RNF150: variants seen among roughly 807,000 people sequenced by gnomAD.
RNF150 encodes the protein ring finger protein 150.
In RNF150, 24 loss-of-function variants were observed where a neutral mutation model predicts 39.3. That is an observed-to-expected ratio of 0.61 (90% CI 0.44 to 0.86). The LOEUF (loss-of-function observed/expected upper bound fraction) is 0.86, where lower values mean the gene tolerates loss of function less well. Among genes scored for constraint, RNF150 ranks in the 40% least tolerant of loss-of-function variants. RNF150 has a pLI of 0.00. For synonymous variants in RNF150, 255 were observed against 227.3 expected (o/e 1.12, Z -1.10); for missense variants, 502 against 587.8 (o/e 0.85, Z 1.51).
At chr4:141,054,636 C>T (rs962333171) in intron 1 of RNF150, among the ~76,000 whole-genome samples, 1 of 151,998 alleles carries the variant, frequency 6.6e-6, no homozygotes. Flanking sequence ...ATGTCTTTCC[C>T]CCACCCCCAA....
intron 5 of RNF150, among the ~76,000 whole-genome samples, chr4:140,914,940 T>C (rs962675973): frequency 6.6e-6 from 1 of 152,212 alleles, no homozygotes; most frequent in African/African-American, 2.4e-5. Flanking sequence ...AAGGACACTT[T>C]GTTAAAACAA....
intron 2 of RNF150, among the ~76,000 whole-genome samples, chr4:140,955,945 G>A (rs945807557): frequency 2.0e-5 from 3 of 152,328 alleles, no homozygotes; most frequent in Non-Finnish European, 2.9e-5. Flanking sequence ...TATTCTCAGG[G>A]AGAGAGAAAT....
chr4:141,050,107 A>G (rs926224101), intron 1 of RNF150, among the ~76,000 whole-genome samples: 193 of 152,262 alleles, frequency 1.3e-3, no homozygotes, highest in African/African-American at 4.6e-3. Flanking sequence ...ACATATATAC[A>G]TGTAAGTATA....
intron 4 of RNF150, among the ~76,000 whole-genome samples, chr4:140,928,688 A>G (rs1731493553): frequency 6.6e-6 from 1 of 152,090 alleles, no homozygotes; most frequent in African/African-American, 2.4e-5. Flanking sequence ...CTGGGACTAC[A>G]GGCGCCTGCC....
intron 1 of RNF150, among the ~76,000 whole-genome samples, chr4:141,114,461 C>A (rs551577644): frequency 1.3e-5 from 2 of 151,976 alleles, no homozygotes; most frequent in African/African-American, 4.8e-5. Context: ...AGGAAGAAGT[C>A]AAATCCCTGA....
intron 1 of RNF150, among the ~76,000 whole-genome samples, chr4:141,128,735 G>A (rs1264044462): frequency 1.3e-5 from 2 of 152,104 alleles, no homozygotes; most frequent in Non-Finnish European, 2.9e-5. Context: ...AGTGAGAGAA[G>A]CAGATTCTCT....
At chr4:141,074,197 C>A (rs944363422) in intron 1 of RNF150, among the ~76,000 whole-genome samples, 1 of 151,778 alleles carries the variant, frequency 6.6e-6, no homozygotes, top group Non-Finnish European at 1.5e-5. Flanking sequence ...CAATATCCTG[C>A]GAGCAGAGAA....
At chr4:141,189,737 A>G (rs1360338269) in intron 1 of RNF150, among the ~76,000 whole-genome samples, 2 of 152,098 alleles carry the variant, frequency 1.3e-5, no homozygotes, top group Non-Finnish European at 2.9e-5. Context: ...GTAATGGCAG[A>G]TGCCCCTCCC....
chr4:141,020,931 C>T (rs1463911447), intron 1 of RNF150, among the ~76,000 whole-genome samples: 1 of 152,062 alleles, frequency 6.6e-6, no homozygotes, highest in African/African-American at 2.4e-5. Context: ...TTAAAAACAA[C>T]ATAAAGTGGT....
intron 1 of RNF150, among the ~76,000 whole-genome samples, chr4:141,123,630 C>T (rs1280023561): frequency 6.6e-6 from 1 of 152,130 alleles, no homozygotes; most frequent in Non-Finnish European, 1.5e-5. Context: ...TATACATGTG[C>T]CATGTTGGTG....
chr4:140,938,270 A>G (rs977581112), intron 4 of RNF150, among the ~76,000 whole-genome samples: 2 of 152,164 alleles, frequency 1.3e-5, no homozygotes, highest in African/African-American at 4.8e-5. Flanking sequence ...GTTTTCAAAT[A>G]TTAAAATGAT....
intron 1 of RNF150, among the ~76,000 whole-genome samples, chr4:141,170,971 T>C (rs1306571062): frequency 6.6e-6 from 1 of 152,160 alleles, no homozygotes; most frequent in African/African-American, 2.4e-5. Context: ...ATCCAAGGCC[T>C]GTGCTAGAAG....
chr4:140,978,960 T>C (rs1360609108), intron 1 of RNF150, among the ~76,000 whole-genome samples: 1 of 152,152 alleles, frequency 6.6e-6, no homozygotes, highest in East Asian at 1.9e-4. Flanking sequence ...TCTGCTTATA[T>C]ATAAAATATA....
chr4:141,049,635 G>A, intron 1 of RNF150, among the ~76,000 whole-genome samples: 1 of 152,096 alleles, frequency 6.6e-6, no homozygotes, highest in East Asian at 1.9e-4. Flanking sequence ...GGGTGGTGGG[G>A]AAAATAAGTA....
chr4:140,934,852 G>A (rs1375429380), intron 4 of RNF150, among the ~76,000 whole-genome samples: 1 of 151,008 alleles, frequency 6.6e-6, no homozygotes, highest in Non-Finnish European at 1.5e-5. Flanking sequence ...TTGAGTTAAG[G>A]TTTTCTTTTA....
At chr4:140,928,000 G>C (rs1731465119) in intron 4 of RNF150, among the ~76,000 whole-genome samples, 1 of 151,898 alleles carries the variant, frequency 6.6e-6, no homozygotes, top group African/African-American at 2.4e-5. Context: ...CTTTATAGCA[G>C]TGTGAGAACA....
chr4:140,960,831 G>A (rs1732992136), intron 2 of RNF150, among the ~76,000 whole-genome samples: 1 of 152,074 alleles, frequency 6.6e-6, no homozygotes, highest in Non-Finnish European at 1.5e-5. Flanking sequence ...CAGGTGTGGG[G>A]GGAAGGTGGG....
intron 1 of RNF150, among the ~76,000 whole-genome samples, chr4:141,186,968 C>T (rs1029552532): frequency 2.8e-4 from 42 of 152,152 alleles, no homozygotes; most frequent in Admixed American, 3.9e-4. Flanking sequence ...ATAGATCTTT[C>T]CCACTTTCTG....
intron 1 of RNF150, among the ~76,000 whole-genome samples, chr4:141,188,572 G>C (rs1449161902): frequency 1.7e-4 from 26 of 151,882 alleles, no homozygotes; most frequent in Admixed American, 1.7e-3. Flanking sequence ...CTCTAATCTT[G>C]TCTTCATGCT....
Sources: gnomAD v4.1 joint callset for allele counts (sites outside exome capture counted in the v4.1 genomes callset) on GRCh38, gnomAD v4.1.1 for gene constraint, MANE v1.5 for transcripts, NCBI Gene and HGNC (gene_info 2026-07-23, HGNC 2026-07-21) for gene names.